Variants in DOCK10 observed in about 807,000 individuals in gnomAD.
DOCK10 encodes dedicator of cytokinesis protein 10.
DOCK10 carries 145 observed loss-of-function variants against 280.1 expected under a neutral mutation model. The observed-to-expected ratio is 0.52, with a 90% CI of 0.45 to 0.59. The LOEUF (loss-of-function observed/expected upper bound fraction) is 0.59. Among genes scored for constraint, DOCK10 ranks in the 20% least tolerant of loss-of-function variants. The probability of loss-of-function intolerance (pLI) is 0.00; values close to 1 mark genes in which losing one functional copy is unlikely to be tolerated. For missense variants in DOCK10, 2,368 were observed against 2,651.7 expected, an observed-to-expected ratio of 0.89 and a Z score of 2.35; for synonymous variants, 915 against 942.2, an observed-to-expected ratio of 0.97 and a Z score of 0.53.
intron 53 of DOCK10, among the ~76,000 whole-genome samples, chr2:224,771,158 G>A (rs968733433): frequency 2.6e-5 from 4 of 152,012 alleles, no homozygotes; most frequent in East Asian, 3.9e-4. Flanking sequence ...ACATTGTCCC[G>A]GCTAGTCTGG....
At chr2:225,028,268 T>C (rs281540) in intron 1 of DOCK10, among the ~76,000 whole-genome samples, 112,171 of 152,028 alleles carry the variant, frequency 0.74, 42,270 homozygotes, top group Middle Eastern at 0.88. Context: ...ACTTGAGCCA[T>C]CACCACTGGC....
At chr2:224,854,895 C>T (rs1697004090) in intron 16 of DOCK10, 68 bp downstream of exon 16, 6 of 1,112,530 alleles carry the variant, frequency 5.4e-6, no homozygotes, top group African/African-American at 1.9e-5. Flanking sequence ...AACCAACCAA[C>T]CAAAACAAAC....
chr2:224,967,339 C>G (rs1340835243), intron 1 of DOCK10, among the ~76,000 whole-genome samples: 2 of 152,156 alleles, frequency 1.3e-5, no homozygotes, highest in Non-Finnish European at 1.5e-5. Flanking sequence ...CTCGGCCTCC[C>G]AAAGTGCTGG....
chr2:225,014,889 G>A (rs1335678255), intron 1 of DOCK10, among the ~76,000 whole-genome samples: 2 of 152,078 alleles, frequency 1.3e-5, no homozygotes, highest in African/African-American at 2.4e-5. Flanking sequence ...ATATCTCTGT[G>A]TTCTTTTTTG....
intron 1 of DOCK10, among the ~76,000 whole-genome samples, chr2:225,023,409 C>T (rs1254020027): frequency 6.6e-6 from 1 of 152,048 alleles, no homozygotes; most frequent in Non-Finnish European, 1.5e-5. Context: ...CCCAAGTATA[C>T]ACAAAATTGT....
At chr2:224,804,681 T>G in intron 38 of DOCK10, 113 bp downstream of exon 38, 1 of 740,726 alleles carries the variant, frequency 1.4e-6, no homozygotes, top group Non-Finnish European at 2.2e-6. Context: ...TAACAATCCT[T>G]ATTTGCATTT....
intron 28 of DOCK10, among the ~76,000 whole-genome samples, chr2:224,823,074 G>A (rs547671602): frequency 1.9e-3 from 266 of 140,708 alleles, no homozygotes; most frequent in African/African-American, 6.5e-3. Flanking sequence ...TGCAACCTCC[G>A]CCTCCCAGGT....
chr2:225,038,178 T>C (rs1690317173), intron 1 of DOCK10, among the ~76,000 whole-genome samples: 1 of 152,164 alleles, frequency 6.6e-6, no homozygotes, highest in South Asian at 2.1e-4. Flanking sequence ...CTTTTAAATC[T>C]GGATAGCGAC....
chr2:224,931,490 CAAT>C (rs929316079), intron 2 of DOCK10, 56 bp downstream of exon 2: 1 of 1,531,920 alleles, frequency 6.5e-7, no homozygotes, highest in African/African-American at 1.4e-5. Context: ...CAGGGAAAGA[CAAT>C]GACCCAATGT....
At chr2:224,942,859 T>C (rs1703172578) in intron 1 of DOCK10, among the ~76,000 whole-genome samples, 1 of 152,160 alleles carries the variant, frequency 6.6e-6, no homozygotes, top group African/African-American at 2.4e-5. Context: ...TAATGACCCA[T>C]AAACCAGTAA....
chr2:224,960,534 T>G (rs1460200466), intron 1 of DOCK10, among the ~76,000 whole-genome samples: 2 of 152,126 alleles, frequency 1.3e-5, no homozygotes, highest in Non-Finnish European at 2.9e-5. Flanking sequence ...CATTATCATT[T>G]CTTCCATATG....
At chr2:224,793,598 A>G in intron 45 of DOCK10, 141 bp from the exon 46 acceptor site, 1 of 580,330 alleles carries the variant, frequency 1.7e-6, no homozygotes, top group Non-Finnish European at 2.9e-6. Context: ...GCAAGGATCA[A>G]TTGTATTTCC....
At chr2:224,837,600 G>T in intron 25 of DOCK10, 162 bp downstream of exon 25, 1 of 606,636 alleles carries the variant, frequency 1.6e-6, no homozygotes, top group South Asian at 2.0e-5. Context: ...GCCCATTAAT[G>T]CAAAGAGATG....
At chr2:224,900,600 T>C (rs1700245136) in intron 3 of DOCK10, among the ~76,000 whole-genome samples, 1 of 152,262 alleles carries the variant, frequency 6.6e-6, no homozygotes, top group African/African-American at 2.4e-5. Context: ...GTTTCTGTTT[T>C]AGAATCAGAC....
At chr2:224,777,151 G>A (rs908510657) in intron 51 of DOCK10, among the ~76,000 whole-genome samples, 6 of 152,170 alleles carry the variant, frequency 3.9e-5, no homozygotes, top group African/African-American at 1.2e-4. Context: ...TAAAAGAAGA[G>A]GTAAGTATTT....
chr2:224,866,139 T>A (rs1697897793), intron 11 of DOCK10, among the ~76,000 whole-genome samples: 2 of 152,332 alleles, frequency 1.3e-5, no homozygotes, highest in African/African-American at 4.8e-5. Context: ...TCTGTTTTTC[T>A]TTCTGGTCCA....
intron 1 of DOCK10, among the ~76,000 whole-genome samples, chr2:225,017,970 G>A (rs963971986): frequency 2.0e-5 from 3 of 152,060 alleles, no homozygotes; most frequent in Admixed American, 6.6e-5. Flanking sequence ...CCCATTCCCT[G>A]CCTCTCCAAA....
intron 2 of DOCK10, among the ~76,000 whole-genome samples, chr2:224,927,564 T>C (rs150983903): frequency 7.0e-4 from 106 of 152,266 alleles, no homozygotes; most frequent in Non-Finnish European, 1.2e-3. Context: ...AGTCACAATA[T>C]AAGAATACTG....
intron 1 of DOCK10, among the ~76,000 whole-genome samples, chr2:225,035,558 A>ATTATATATATAT (rs1559986247): frequency 2.5e-5 from 1 of 40,750 alleles, no homozygotes; most frequent in Admixed American, 2.4e-4. Flanking sequence ...ATATATATAT[A>ATTATATATATAT]TATATATATA....
Sources: allele counts gnomAD v4.1 joint callset (sites outside exome capture counted in the v4.1 genomes callset), GRCh38; gene constraint gnomAD v4.1.1; transcripts MANE v1.5; gene names NCBI Gene and HGNC (gene_info 2026-07-23, HGNC 2026-07-21).